The following TBC1D9B variants were observed in gnomAD, a reference collection of about 807,000 sequenced individuals.
The protein encoded by TBC1D9B is TBC1 domain family member 9B.
TBC1D9B carries 87 observed loss-of-function variants against 121.1 expected under a neutral mutation model. The observed-to-expected ratio is 0.72, with a 90% CI of 0.60 to 0.86. The LOEUF (loss-of-function observed/expected upper bound fraction) is 0.86, where lower values mean the gene tolerates loss of function less well. Ranked by LOEUF, TBC1D9B falls within the 40% of genes least tolerant of loss-of-function variation. The pLI, the probability that TBC1D9B is intolerant of heterozygous loss-of-function variation, is 0.00. For synonymous variants in TBC1D9B, 668 were observed against 670.1 expected (o/e 1.00, Z 0.05); for missense variants, 1,540 against 1,628.6 (o/e 0.95, Z 0.94).
chr5:179,895,514 T>C (rs270330), intron 3 of TBC1D9B, among the ~76,000 whole-genome samples: 18,117 of 152,198 alleles, frequency 0.12, 3,482 homozygotes, highest in African/African-American at 0.4. Flanking sequence ...CGGCAGGACC[T>C]GCAGTTTCAG....
chr5:179,897,524 TGGC>T (rs562956757), intron 3 of TBC1D9B, among the ~76,000 whole-genome samples: 313 of 152,194 alleles, frequency 2.1e-3, no homozygotes, highest in African/African-American at 7.2e-3. Context: ...TTTGCCATGT[TGGC>T]AAAGGATGGC....
rs775957551 is a variant in TBC1D9B at position 179,888,292 on chromosome 5, A to G, written c.1065T>C (p.Ala355=). 1.2e-6 allele frequency: 2 copies of G among 1,610,354 alleles called. No homozygotes were observed. Among genetic ancestry groups the G allele is most frequent in the Non-Finnish European group, 1.7e-6 (2 of 1,179,104 alleles). The change falls in exon 7 of 21, where the codon GCT becomes GCC. Residue 355 remains alanine (A), a synonymous_variant. Coordinates refer to ENST00000355235, the MANE Select transcript of TBC1D9B (RefSeq NM_015043.4). ...GGCTGGGCAGCACGCTGGAGCTGTCAGCTTTTTCGACAATGGTCACCTGAG... is the reference window on the plus strand; with the variant it reads ...GGCTGGGCAGCACGCTGGAGCTGTCGGCTTTTTCGACAATGGTCACCTGAG... The part of the protein sequence containing the change: ...PLREVTIVEK[A]DSSSVLPSPL...
Position 179,888,251 on chromosome 5 carries a change from G to A in TBC1D9B, c.1106C>T (p.Thr369Ile). 6.2e-7 allele frequency: 1 copy of A among 1,611,834 alleles called. No individual in the cohort carries two copies. Among genetic ancestry groups the A allele is most frequent in the Non-Finnish European group, 8.5e-7 (1 of 1,179,328 alleles). Residue 369 changes from threonine (T) to isoleucine (I), a missense_variant, in exon 7 of 21, where the codon ACC becomes ATC. Transcript: ENST00000355235. Reference protein sequence around the residue: ...SVLPSPLSISTKSKMTFLFAN... With the variant: ...SVLPSPLSISIKSKMTFLFAN... ...AAACAGGAATGTCATTTTGCTTTTG[G>A]TGCTGATGGACAGGGGGCTGGGCAG...
intron 7 of TBC1D9B, chr5:179,887,830 A>G: frequency 1.9e-6 from 1 of 520,550 alleles, no homozygotes; most frequent in Non-Finnish European, 3.4e-6. Flanking sequence ...TGCAGCAGCA[A>G]TGCAGAAAGG....
In TBC1D9B at chr5:179,897,344, G is replaced by A. The variant is rs191172568; in HGVS notation, c.348+1845C>T. Among the ~76,000 whole-genome samples the A allele has an allele frequency of 6.3e-3, 919 of 145,274 alleles. 9 individuals carry two copies. Among genetic ancestry groups the A allele is most frequent in the Non-Finnish European group, 6.8e-3 (457 of 66,760 alleles). On this transcript the variant is annotated intron_variant, in intron 3 of 20. Coordinates refer to ENST00000355235, the MANE Select transcript of TBC1D9B (RefSeq NM_015043.4). ...TTTTTTTTTTTTGAGATGGAGTCTC[G>A]CTCTGTTGCCCAGGCTGGAGTGCAG...
rs1315386129 is a variant in TBC1D9B at position 179,874,016 on chromosome 5, A to G, written c.2187-768T>C. Among the ~76,000 whole-genome samples, 1 of 152,176 alleles carries G rather than the reference A, an allele frequency of 6.6e-6. No individual in the cohort carries two copies. Among genetic ancestry groups the G allele is most frequent in the Non-Finnish European group, 1.5e-5 (1 of 68,030 alleles). The stretch of plus-strand genomic sequence containing the variant: ...GGGAGGTGACAACCCTGCTGGATCT[A>G]GAGAGTCCCAGGCAGCACCTGGCCT... On this transcript the variant is annotated intron_variant, in intron 12 of 20. Coordinates refer to ENST00000355235, the MANE Select transcript of TBC1D9B (RefSeq NM_015043.4). This position sits in a 1 kb window ranked among gnomAD's most constrained non-coding sequence, Gnocchi z 4.3.
intron 7 of TBC1D9B, chr5:179,887,845 C>T: frequency 1.8e-6 from 1 of 547,566 alleles, no homozygotes; most frequent in Non-Finnish European, 3.3e-6. Flanking sequence ...GAAAGGACAG[C>T]CAGAGAAGGT....
intron 14 of TBC1D9B, 182 bp from the exon 15 acceptor site, chr5:179,871,712 C>A: frequency 1.7e-6 from 1 of 580,914 alleles, no homozygotes. Flanking sequence ...CCCTGGCCCC[C>A]CACCTACCAC....
Position 179,894,563 on chromosome 5 carries a change from G to C in TBC1D9B, c.400C>G (p.Pro134Ala), listed in dbSNP as rs766190116. The C allele has an allele frequency of 1.2e-6, 2 of 1,614,168 alleles. No homozygotes were observed. Among genetic ancestry groups the C allele is most frequent in the Non-Finnish European group, 1.7e-6 (2 of 1,180,018 alleles). ...KNLQPQGDED[P>A]GKFKEAELKM... Reference sequence around the variant, plus strand: ...AGCTCAGCCTCCTTGAACTTCCCGGGGTCCTCGTCTCCCTGGGGCTGCAGG... The same window carrying C: ...AGCTCAGCCTCCTTGAACTTCCCGGCGTCCTCGTCTCCCTGGGGCTGCAGG... Residue 134 changes from proline (P) to alanine (A), a missense_variant, in exon 4 of 21, where the codon CCC (proline) becomes GCC (alanine). Coordinates refer to ENST00000355235, the MANE Select transcript of TBC1D9B (RefSeq NM_015043.4).
Position 179,875,816 on chromosome 5 carries a change from G to A in TBC1D9B, c.1900+104C>T, listed in dbSNP as rs1453876868. On this transcript the variant is annotated intron_variant, in intron 11 of 20. Coordinates refer to ENST00000355235, the MANE Select transcript of TBC1D9B (RefSeq NM_015043.4). The surrounding 1 kb of genome is among the most constrained non-coding windows in gnomAD (Gnocchi z 4.5). ...TGTAATACTACCCTCTAACTCCTAG[G>A]GAACCCACGTGAAGCCTGGAGCTTG... The A allele has an allele frequency of 2.3e-6, 2 of 872,956 alleles. No individual in the cohort carries two copies. The highest frequency in any genetic ancestry group is 3.4e-6 in the Non-Finnish European group (2 of 586,486). 54.1% of individuals were successfully genotyped at this position (872,956 alleles called of 1,614,324 possible).
chr5:179,906,027 G>A (rs529502209), intron 1 of TBC1D9B, among the ~76,000 whole-genome samples: 6 of 152,290 alleles, frequency 3.9e-5, no homozygotes, highest in African/African-American at 7.2e-5. Flanking sequence ...TAACAGGCGC[G>A]TGCCACCATG....
chr5:179,870,105 G>A (rs572905682), intron 16 of TBC1D9B, 150 bp downstream of exon 16: 11 of 1,360,108 alleles, frequency 8.1e-6, no homozygotes, highest in African/African-American at 1.4e-5. Flanking sequence ...GGCTCCCGTG[G>A]GTAAACTGTT....
Position 179,888,293 on chromosome 5 carries a change from G to A in TBC1D9B, c.1064C>T (p.Ala355Val). Residue 355 changes from alanine to valine, a missense_variant, in exon 7 of 21, where the codon GCT becomes GTT. Physicochemically the swap from Ala to Val is moderately conservative, Grantham distance 64 (BLOSUM62 0). Transcript: ENST00000355235. ...PLREVTIVEK[A>V]DSSSVLPSPL... ...GCTGGGCAGCACGCTGGAGCTGTCAGCTTTTTCGACAATGGTCACCTGAGA... is the reference window on the plus strand; with the variant it reads ...GCTGGGCAGCACGCTGGAGCTGTCAACTTTTTCGACAATGGTCACCTGAGA... 1.9e-6 allele frequency: 3 copies of A among 1,610,448 alleles called. No individual in the cohort carries two copies. Among genetic ancestry groups the A allele is most frequent in the Non-Finnish European group, 2.5e-6 (3 of 1,179,152 alleles).
intron 12 of TBC1D9B, among the ~76,000 whole-genome samples, chr5:179,873,852 AT>A (rs1439854153): frequency 6.6e-6 from 1 of 152,076 alleles, no homozygotes; most frequent in Non-Finnish European, 1.5e-5. Flanking sequence ...CCCTGGTCAT[AT>A]CCCCAGTCAG....
In TBC1D9B at chr5:179,897,490, A is replaced by T. The variant is rs1038660605; in HGVS notation, c.348+1699T>A. Reference sequence around the variant, plus strand: ...ATGCCACCACGCCCAGCTACTTTTTAAATATTTTTAGTAGAGACAGGGTTT... The same window carrying T: ...ATGCCACCACGCCCAGCTACTTTTTTAATATTTTTAGTAGAGACAGGGTTT... On this transcript the variant is annotated intron_variant, in intron 3 of 20. Coordinates refer to ENST00000355235, the MANE Select transcript of TBC1D9B (RefSeq NM_015043.4). 2.0e-4 allele frequency among the ~76,000 whole-genome samples: 31 copies of T among 151,752 alleles called. 1 individual carries two copies. The highest frequency in any genetic ancestry group is 6.5e-4 in the African/African-American group (27 of 41,386).
In TBC1D9B at chr5:179,904,349, C is replaced by T. The variant is rs1165038416; in HGVS notation, c.229+353G>A. 6.6e-6 allele frequency among the ~76,000 whole-genome samples: 1 copy of T among 151,948 alleles called. No individual in the cohort carries two copies. Among genetic ancestry groups the T allele is most frequent in the Middle Eastern group, 3.4e-3 (1 of 294 alleles). ...ACGCCATTCTCCTGCCTCAGCCTCC[C>T]GAGTAGCTGGGACTACAGGCCTCCG... On this transcript the variant is annotated intron_variant, in intron 2 of 20. Transcript: ENST00000355235. The surrounding 1 kb of genome is among the most constrained non-coding windows in gnomAD (Gnocchi z 4.2).
chr5:179,895,624 G>GT (rs1367353405), intron 3 of TBC1D9B, among the ~76,000 whole-genome samples: 1 of 152,210 alleles, frequency 6.6e-6, no homozygotes, highest in African/African-American at 2.4e-5. Context: ...GCCTCCTGGG[G>GT]TAAAACAGGT....
intron 14 of TBC1D9B, chr5:179,872,410 G>C (rs927000329): frequency 5.9e-6 from 1 of 170,532 alleles, no homozygotes; most frequent in African/African-American, 2.4e-5. Flanking sequence ...GGCTGGGAAT[G>C]TGGAAACAAT....
Position 179,875,280 on chromosome 5 carries a change from C to A in TBC1D9B, c.1901-93G>T. On this transcript the variant is annotated intron_variant, in intron 11 of 20. Transcript: ENST00000355235. This position sits in a 1 kb window ranked among gnomAD's most constrained non-coding sequence, Gnocchi z 4.5. ...CGTACGAGCCCTGGCCACTCCAGCC[C>A]TGCCAGCTGTGCAGTGAGGGCTGAG... is the stretch of plus-strand genomic sequence containing the variant. 6.8e-7 allele frequency: 1 copy of A among 1,474,740 alleles called. No homozygotes were observed. The allele number at this position is 1,474,740 out of a possible 1,614,324, so 91.4% of individuals were successfully genotyped here.
Sources: gnomAD v4.1 joint callset for allele counts (sites outside exome capture counted in the v4.1 genomes callset) on GRCh38, gnomAD v4.1.1 for gene constraint, Gnocchi (gnomAD v3.1) non-coding constraint, MANE v1.5 for transcripts, NCBI Gene and HGNC (gene_info 2026-07-23, HGNC 2026-07-21) for gene names.